The following FILIP1L variants were observed in gnomAD, a reference collection of about 807,000 sequenced individuals.
FILIP1L encodes filamin A interacting protein 1 like.
FILIP1L carries 55 observed loss-of-function variants against 96.6 expected under a neutral mutation model. The ratio of observed to expected loss-of-function variants is 0.57; its 90% confidence interval spans 0.46 to 0.71. The LOEUF is 0.71. FILIP1L is among the 30% of genes least tolerant of loss of function. The probability of loss-of-function intolerance (pLI) is 0.00; values close to 1 mark genes in which losing one functional copy is unlikely to be tolerated. For synonymous variants in FILIP1L, 467 were observed against 473.9 expected (o/e 0.99, Z 0.19); for missense variants, 1,304 against 1,321.2 (o/e 0.99, Z 0.20).
At chr3:100,098,647 A>G (rs139530669) in intron 1 of FILIP1L, among the ~76,000 whole-genome samples, 155 of 152,300 alleles carry the variant, frequency 1.0e-3, no homozygotes, top group African/African-American at 3.5e-3. Flanking sequence ...ACTGGAGTAT[A>G]AGTACCTACA....
At chr3:100,055,180 TC>T (rs1368898460) in intron 1 of FILIP1L, among the ~76,000 whole-genome samples, 3 of 152,320 alleles carry the variant, frequency 2.0e-5, no homozygotes, top group South Asian at 2.1e-4. Context: ...GTTCTCCTCG[TC>T]CTACTCTTAT....
At chr3:100,025,520 C>T (rs778214157) in intron 1 of FILIP1L, 4 of 151,968 alleles carry the variant, frequency 2.6e-5, no homozygotes, top group African/African-American at 7.3e-5. Flanking sequence ...AGGATGAATA[C>T]GAAGGAACGG....
intron 1 of FILIP1L, among the ~76,000 whole-genome samples, chr3:100,013,231 G>T (rs1484446636): frequency 6.6e-6 from 1 of 151,046 alleles, no homozygotes; most frequent in Non-Finnish European, 1.5e-5. Flanking sequence ...TGTTGTTGTT[G>T]TTGTTGTTGT....
At chr3:99,878,555 G>C (rs921335665) in intron 4 of FILIP1L, among the ~76,000 whole-genome samples, 2 of 152,202 alleles carry the variant, frequency 1.3e-5, no homozygotes, top group Admixed American at 1.3e-4. Flanking sequence ...TTTGGTAAAG[G>C]AGTGTTCAGA....
rs776377840 is a variant in FILIP1L at position 99,850,681 on chromosome 3, C to T, written c.995G>A (p.Arg332Gln). 2.0e-5 allele frequency: 32 copies of T among 1,613,942 alleles called. No individual in the cohort carries two copies. The highest frequency in any genetic ancestry group is 1.6e-4 in the Middle Eastern group (1 of 6,082). The change falls in exon 5 of 6, where the codon CGG becomes CAG. Residue 332 changes from arginine (R) to glutamine (Q), a missense_variant. By Grantham distance (43) the Arg-to-Gln change is conservative. Transcript: ENST00000477258. ...TGTCTCTTCTAACTCATCAATCTGCCGGCTGAGTGCTGCCAGCTTTTGTTG... is the reference window on the plus strand; with the variant it reads ...TGTCTCTTCTAACTCATCAATCTGCTGGCTGAGTGCTGCCAGCTTTTGTTG... ...QLQQKLAALS[R>Q]QIDELEETNR...
chr3:100,051,368 A>G (rs1276883158), intron 1 of FILIP1L: 1 of 151,706 alleles, frequency 6.6e-6, no homozygotes, highest in Non-Finnish European at 1.5e-5. Context: ...CTTTTTATAT[A>G]TATATATTTT....
intron 1 of FILIP1L, among the ~76,000 whole-genome samples, chr3:100,024,752 G>A (rs1014639057): frequency 6.6e-6 from 1 of 152,126 alleles, no homozygotes; most frequent in Non-Finnish European, 1.5e-5. Flanking sequence ...AATTGGTTAA[G>A]TGGAGCTCAG....
In FILIP1L at chr3:99,850,124, A is replaced by C. The variant is rs1314207421; in HGVS notation, c.1552T>G (p.Leu518Val). 1 of 1,612,484 alleles carries C rather than the reference A, an allele frequency of 6.2e-7. No homozygotes were observed. The highest frequency in any genetic ancestry group is 1.1e-5 in the South Asian group (1 of 90,658). The change falls in exon 5 of 6, where the codon TTA becomes GTA. Residue 518 changes from leucine to valine, a missense_variant. Physicochemically the swap from Leu to Val is conservative, Grantham distance 32. Coordinates refer to ENST00000477258, the MANE Select transcript of FILIP1L (RefSeq NM_001387850.1). ...TGAAGCTGAGAAGAAGCAGCTTGTAATTTATCTTCAGTTTTCTTTAATTTT... is the reference window on the plus strand; with the variant it reads ...TGAAGCTGAGAAGAAGCAGCTTGTACTTTATCTTCAGTTTTCTTTAATTTT... ...SEKLKKTEDKLQAASSQLQVE... is the reference protein window; with the variant it reads ...SEKLKKTEDKVQAASSQLQVE...
intron 1 of FILIP1L, among the ~76,000 whole-genome samples, chr3:99,983,389 A>AATAAATAAATAAATAT (rs1302972402): frequency 4.9e-5 from 2 of 40,788 alleles, no homozygotes; most frequent in African/African-American, 1.0e-4. Context: ...TAAATAAATA[A>AATAAATAAATAAATAT]ATATATATAT....
In FILIP1L at chr3:99,964,973, G is replaced by C. The variant is rs1708605877; in HGVS notation, c.-10-33943C>G. Among the ~76,000 whole-genome samples, 3 of 152,192 alleles carry C rather than the reference G, an allele frequency of 2.0e-5. No individual in the cohort carries two copies. The South Asian group carries it at 6.2e-4, about 32-fold the overall frequency. ...TGTTCTTCAAACCAAAAAGAAACAT[G>C]ATCCTTTTCATTGTATTTCTTGAAG... On this transcript the variant is annotated intron_variant, in intron 1 of 5. Transcript: ENST00000477258.
intron 1 of FILIP1L, among the ~76,000 whole-genome samples, chr3:100,072,698 C>T (rs1471824420): frequency 6.6e-6 from 1 of 152,164 alleles, no homozygotes; most frequent in Non-Finnish European, 1.5e-5. Flanking sequence ...AGCTGAAATA[C>T]AGATTATCTA....
rs879709778 is a variant in FILIP1L, at chr3:99,830,250, A to T, written c.*164T>A. 7 of 342,360 alleles carry T rather than the reference A, an allele frequency of 2.0e-5. No homozygotes were observed. The highest frequency in any genetic ancestry group is 3.8e-5 in the Admixed American group (1 of 26,044). 21.2% of individuals were successfully genotyped at this position (342,360 alleles called of 1,614,324 possible). A position where few individuals can be genotyped will look rare whatever the true frequency, so the allele number is the denominator to read the frequency against. On this transcript the variant is annotated 3_prime_UTR_variant, in exon 6 of 6. Transcript: ENST00000477258. The stretch of plus-strand genomic sequence containing the variant: ...GTGTGCATATACACATATAGAAGTA[A>T]AATAATTGTAGACGTGCTGCTTTTT...
chr3:99,845,821 T>A (rs554002705), intron 5 of FILIP1L, among the ~76,000 whole-genome samples: 4 of 152,180 alleles, frequency 2.6e-5, no homozygotes, highest in Admixed American at 1.3e-4. Context: ...TTTATTTTGA[T>A]GCTGATACAA....
At chr3:99,834,355 G>A (rs979618197) in intron 5 of FILIP1L, among the ~76,000 whole-genome samples, 2 of 152,184 alleles carry the variant, frequency 1.3e-5, no homozygotes, top group African/African-American at 4.8e-5. Context: ...AAAGGTTAGA[G>A]TAAATAGGTG....
At chr3:99,886,125 G>T (rs556040938) in intron 4 of FILIP1L, among the ~76,000 whole-genome samples, 2 of 152,364 alleles carry the variant, frequency 1.3e-5, no homozygotes, top group South Asian at 2.1e-4. Context: ...GCACATGGAC[G>T]TGAGTGAGAG....
At chr3:100,064,118 G>T (rs2065621001) in intron 1 of FILIP1L, among the ~76,000 whole-genome samples, 1 of 152,212 alleles carries the variant, frequency 6.6e-6, no homozygotes, top group South Asian at 2.1e-4. Flanking sequence ...GAAGAATGGA[G>T]ATTTTGAAAG....
intron 1 of FILIP1L, among the ~76,000 whole-genome samples, chr3:100,075,059 A>G (rs1334211822): frequency 1.4e-5 from 2 of 144,538 alleles, no homozygotes; most frequent in Non-Finnish European, 3.1e-5. Flanking sequence ...TTAATTGCTT[A>G]TATTTTTTTA....
At chr3:99,834,301 C>G (rs1942806177) in intron 5 of FILIP1L, among the ~76,000 whole-genome samples, 1 of 152,194 alleles carries the variant, frequency 6.6e-6, no homozygotes, top group South Asian at 2.1e-4. Context: ...GAATAGTGTT[C>G]TACTTCTATG....
intron 1 of FILIP1L, among the ~76,000 whole-genome samples, chr3:99,948,791 AAG>A (rs982775030): frequency 1.2e-4 from 18 of 151,826 alleles, no homozygotes; most frequent in Admixed American, 2.6e-4. Context: ...AGGAAAGAAA[AAG>A]AGAAGAAAGA....
Sources: gnomAD v4.1 joint callset for allele counts (sites outside exome capture counted in the v4.1 genomes callset) on GRCh38, gnomAD v4.1.1 for gene constraint, MANE v1.5 for transcripts, NCBI Gene and HGNC (gene_info 2026-07-23, HGNC 2026-07-21) for gene names.